Variants in IL17RE observed in about 807,000 individuals in gnomAD.
The protein encoded by IL17RE is interleukin 17 receptor E.
A neutral mutation model predicts 70.7 loss-of-function variants in IL17RE; 47 were observed. That is an observed-to-expected ratio of 0.67 (90% CI 0.53 to 0.85). The LOEUF (loss-of-function observed/expected upper bound fraction) is 0.85. Among genes scored for constraint, IL17RE ranks in the 40% least tolerant of loss-of-function variants. The pLI is 0.00. For synonymous variants in IL17RE, 372 were observed against 381.2 expected, an observed-to-expected ratio of 0.98 and a Z score of 0.28; for missense variants, 850 against 893.9, an observed-to-expected ratio of 0.95 and a Z score of 0.63.
Position 9,915,998 on chromosome 3 carries a change from A to G in IL17RE, c.*191A>G. 9.6e-7 allele frequency: 1 copy of G among 1,040,694 alleles called. No homozygotes were observed. The highest frequency in any genetic ancestry group is 1.3e-6 in the Non-Finnish European group (1 of 785,678). 64.5% of individuals were successfully genotyped at this position (1,040,694 alleles called of 1,614,324 possible). A position where few individuals can be genotyped will look rare whatever the true frequency, so the allele number is the denominator to read the frequency against. On this transcript the variant is annotated 3_prime_UTR_variant, in exon 16 of 16. Coordinates refer to ENST00000383814, the MANE Select transcript of IL17RE (RefSeq NM_153480.2). This position sits in a 1 kb window ranked among gnomAD's most constrained non-coding sequence, Gnocchi z 4.9. The stretch of plus-strand genomic sequence containing the variant: ...CGCGCGCGTCCCTCTTCCTCCTCAT[A>G]CTTTCCCTTGACTGAGAGCTCCTCT...
Position 9,915,225 on chromosome 3 carries a change from CT to C in IL17RE, c.1448-24del. Reference sequence around the variant, plus strand: ...CTGAGCAGTCCCTCAGCCGCCCAGCCTTCATCTGTTGCTTCCCGCCACCAGG... The same window carrying C: ...CTGAGCAGTCCCTCAGCCGCCCAGCCTCATCTGTTGCTTCCCGCCACCAGG... On this transcript the variant is annotated intron_variant, in intron 15 of 15. Coordinates refer to ENST00000383814, the MANE Select transcript of IL17RE (RefSeq NM_153480.2). This position sits in a 1 kb window ranked among gnomAD's most constrained non-coding sequence, Gnocchi z 4.9. The C allele has an allele frequency of 7.3e-7, 1 of 1,375,142 alleles. No individual in the cohort carries two copies. Among genetic ancestry groups the C allele is most frequent in the Admixed American group, 3.3e-5 (1 of 30,176 alleles). 85.2% of individuals were successfully genotyped at this position (1,375,142 alleles called of 1,614,324 possible).
chr3:9,902,756 G>C, upstream of IL17RE: 1 of 1,535,034 alleles, frequency 6.5e-7, no homozygotes. Flanking sequence ...GGAGGGGAAG[G>C]AATGTGGCCT....
At chr3:9,903,918 C>A (rs1236840510) in intron 2 of IL17RE, 114 bp from the exon 3 acceptor site, 5 of 1,310,938 alleles carry the variant, frequency 3.8e-6, no homozygotes, top group Non-Finnish European at 5.4e-6. Flanking sequence ...GGTCCTGTAA[C>A]CCCCAAAGTC....
chr3:9,906,945 T>TA lies in IL17RE; in HGVS notation c.527-16_527-15insA. The TA allele has an allele frequency of 6.2e-7, 1 of 1,614,044 alleles. No individual in the cohort carries two copies. The highest frequency in any genetic ancestry group is 8.5e-7 in the Non-Finnish European group (1 of 1,179,992). On this transcript the variant is annotated splice_polypyrimidine_tract_variant and intron_variant, in intron 5 of 15. Coordinates refer to ENST00000383814, the MANE Select transcript of IL17RE (RefSeq NM_153480.2). ...AAGGCCAAGAGACAAGGCCACTGAGTCCTTCCTCTCCCCAGGACCCGAGTT... is the reference window on the plus strand; with the variant it reads ...AAGGCCAAGAGACAAGGCCACTGAGTACCTTCCTCTCCCCAGGACCCGAGTT...
rs201089226 is a variant in IL17RE at position 9,903,042 on chromosome 3, G to A, written c.110G>A (p.Arg37His). 314 of 1,614,086 alleles carry A rather than the reference G, an allele frequency of 1.9e-4. 3 individuals carry two copies. In the East Asian group the frequency reaches 6.4e-3, roughly 33 times the overall value. Residue 37 changes from arginine (R) to histidine (H), a missense_variant, in exon 1 of 16, where the codon CGC (arginine) becomes CAC (histidine). Physicochemically the swap from Arg to His is conservative, Grantham distance 29. Transcript: ENST00000383814. The stretch of plus-strand genomic sequence containing the variant: ...CGCCACCTGCCCCACTGGAACACCC[G>A]CTGTCCTCTGGCCTCCCACACGGTA... Reference protein sequence around the residue: ...GFRHLPHWNTRCPLASHTDDS... With the variant: ...GFRHLPHWNTHCPLASHTDDS...
rs1029762805 is a variant in IL17RE at position 9,914,038 on chromosome 3, C to T, written c.1296+14C>T. Reference sequence around the variant, plus strand: ...TGCTGTGTCCTGGTAAGGAAACCTACCCTCACTCTACATACAGAGCCTTGG... The same window carrying T: ...TGCTGTGTCCTGGTAAGGAAACCTATCCTCACTCTACATACAGAGCCTTGG... On this transcript the variant is annotated intron_variant, in intron 13 of 15. Coordinates refer to ENST00000383814, the MANE Select transcript of IL17RE (RefSeq NM_153480.2). The T allele has an allele frequency of 3.8e-6, 6 of 1,599,978 alleles. No homozygotes were observed. Among genetic ancestry groups the T allele is most frequent in the Non-Finnish European group, 4.3e-6 (5 of 1,167,144 alleles).
Position 9,906,325 on chromosome 3 carries a change from T to C in IL17RE, c.269-39T>C, listed in dbSNP as rs113697844. On this transcript the variant is annotated intron_variant, in intron 3 of 15. Coordinates refer to ENST00000383814, the MANE Select transcript of IL17RE (RefSeq NM_153480.2). ...CCACATCTCCAGGCAGGGGAGGGGGTAATGAGGGCTAGATAGTAAGTACGT... is the reference window on the plus strand; with the variant it reads ...CCACATCTCCAGGCAGGGGAGGGGGCAATGAGGGCTAGATAGTAAGTACGT... The C allele has an allele frequency of 1.6e-4, 189 of 1,185,984 alleles. No individual in the cohort carries two copies. The African/African-American group carries it at 2.5e-3, about 16-fold the overall frequency. The allele number at this position is 1,185,984 out of a possible 1,614,324, so 73.5% of individuals were successfully genotyped here.
Position 9,915,625 on chromosome 3 carries a change from C to A in IL17RE, c.1822C>A (p.Arg608Ser). The change falls in exon 16 of 16, where the codon CGC becomes AGC. Residue 608 changes from arginine (R) to serine (S), a missense_variant. Transcript: ENST00000383814. The surrounding 1 kb of genome is among the most constrained non-coding windows in gnomAD (Gnocchi z 4.9). ...CAAGGGCGACATCCCCCCGCCGCTG[C>A]GCGCCCTGCCGCGCTACCGCCTGCT... is the stretch of plus-strand genomic sequence containing the variant. ...CAKGDIPPPL[R>S]ALPRYRLLRD... 2 of 1,413,164 alleles carry A rather than the reference C, an allele frequency of 1.4e-6. No individual in the cohort carries two copies. The highest frequency in any genetic ancestry group is 1.5e-5 in the South Asian group (1 of 68,020). The allele number at this position is 1,413,164 out of a possible 1,614,324, so 87.5% of individuals were successfully genotyped here. A position where few individuals can be genotyped will look rare whatever the true frequency, so the allele number is the denominator to read the frequency against.
At chr3:9,907,937 C>T (rs1415851717) in intron 6 of IL17RE, among the ~76,000 whole-genome samples, 1 of 152,164 alleles carries the variant, frequency 6.6e-6, no homozygotes, top group Non-Finnish European at 1.5e-5. Flanking sequence ...CACTGTGATG[C>T]TAGCATGGAG....
In IL17RE at chr3:9,914,018, T is replaced by C; in HGVS notation, c.1290T>C (p.Cys430=). 2 of 1,613,358 alleles carry C rather than the reference T, an allele frequency of 1.2e-6. No homozygotes were observed. Among genetic ancestry groups the C allele is most frequent in the Non-Finnish European group, 1.7e-6 (2 of 1,179,264 alleles). Residue 430 remains cysteine, a synonymous_variant, in exon 13 of 16, where the codon TGT becomes TGC. Coordinates refer to ENST00000383814, the MANE Select transcript of IL17RE (RefSeq NM_153480.2). The part of the protein sequence containing the change: ...LIIPFLRPGC[C]VLVWRSDVQF... ...TTCCCTTCCTGAGGCCAGGGTGCTG[T>C]GTCCTGGTAAGGAAACCTACCCTCA...
At chr3:9,913,685 G>A (rs78983986) in intron 12 of IL17RE, among the ~76,000 whole-genome samples, 2 of 152,222 alleles carry the variant, frequency 1.3e-5, no homozygotes, top group East Asian at 1.9e-4. Flanking sequence ...GACAATGTCC[G>A]CACCCGCCTT....
Position 9,911,112 on chromosome 3 carries a change from C to T in IL17RE, c.979-15C>T. The T allele has an allele frequency of 1.2e-6, 2 of 1,614,018 alleles. No individual in the cohort carries two copies. Among genetic ancestry groups the T allele is most frequent in the Non-Finnish European group, 1.7e-6 (2 of 1,179,864 alleles). ...AGGAATTTTCTCCCTGATGAACTCT[C>T]CTCTCCTCCCACAGTGGTATGTTTT... On this transcript the variant is annotated splice_polypyrimidine_tract_variant and intron_variant, in intron 9 of 15. Coordinates refer to ENST00000383814, the MANE Select transcript of IL17RE (RefSeq NM_153480.2).
intron 3 of IL17RE, among the ~76,000 whole-genome samples, chr3:9,904,877 T>C (rs2082716262): frequency 6.6e-6 from 1 of 152,166 alleles, no homozygotes; most frequent in Admixed American, 6.5e-5. Context: ...GTGGATCGCT[T>C]GAGTCCTGGA....
upstream of IL17RE, chr3:9,902,510 C>T (rs1559264628): frequency 1.0e-6 from 1 of 974,822 alleles, no homozygotes; most frequent in African/African-American, 1.6e-5. Context: ...GGCTAATTCT[C>T]TAAGTGAGGG....
Position 9,906,384 on chromosome 3 carries a change from C to T in IL17RE, c.289C>T (p.His97Tyr). The T allele has an allele frequency of 6.2e-7, 1 of 1,613,802 alleles. No homozygotes were observed. The highest frequency in any genetic ancestry group is 2.2e-5 in the East Asian group (1 of 44,892). Residue 97 changes from histidine (H) to tyrosine (Y), a missense_variant, in exon 4 of 16, where the codon CAC (histidine) becomes TAC (tyrosine). Physicochemically the swap from His to Tyr is moderately conservative, Grantham distance 83. Transcript: ENST00000383814. Reference sequence around the variant, plus strand: ...CACAGGTCTTCAACGGGGCCTCTTCCACCTCCTGGTGCAGAAATCCAAAAA... The same window carrying T: ...CACAGGTCTTCAACGGGGCCTCTTCTACCTCCTGGTGCAGAAATCCAAAAA... ...GGSGLQRGLF[H>Y]LLVQKSKKSS...
intron 6 of IL17RE, among the ~76,000 whole-genome samples, chr3:9,907,669 CT>C (rs1390170496): frequency 6.6e-6 from 1 of 152,162 alleles, no homozygotes; most frequent in Non-Finnish European, 1.5e-5. Context: ...TTCAGCTCCC[CT>C]AAGAGGTTGT....
At position 9,902,971 on chromosome 3, in the gene IL17RE, C is replaced by A. The variant is rs757001837; in HGVS notation, c.39C>A (p.Leu13=). The change falls in exon 1 of 16, where the codon CTC becomes CTA. Residue 13 remains leucine, a synonymous_variant. Coordinates refer to ENST00000383814, the MANE Select transcript of IL17RE (RefSeq NM_153480.2). ...SSRLAALLLP[L]LLIVIDLSDS... ...GACTGGCAGCCCTGCTCCTGCCTCT[C>A]CTCCTCATAGTCATCGACCTCTCTG... 2 of 1,614,214 alleles carry A rather than the reference C, an allele frequency of 1.2e-6. No homozygotes were observed. Among genetic ancestry groups the A allele is most frequent in the Admixed American group, 3.3e-5 (2 of 60,028 alleles).
At chr3:9,914,072 C>T (rs1334144237) in intron 13 of IL17RE, 48 bp downstream of exon 13, 1 of 1,412,134 alleles carries the variant, frequency 7.1e-7, no homozygotes, top group South Asian at 1.2e-5. Context: ...GGCATCTGCT[C>T]CCCTAGTGGC....
chr3:9,914,541 C>T lies in IL17RE; in HGVS notation c.1297-7C>T. On this transcript the variant is annotated splice_polypyrimidine_tract_variant and splice_region_variant and intron_variant, in intron 13 of 15. Transcript: ENST00000383814. ...GCTCATAGGGGTGGGGGGCTCTGTGCCCTCAGGTGTGGCGGTCAGATGTCC... is the reference window on the plus strand; with the variant it reads ...GCTCATAGGGGTGGGGGGCTCTGTGTCCTCAGGTGTGGCGGTCAGATGTCC... 6.2e-7 allele frequency: 1 copy of T among 1,613,824 alleles called. No homozygotes were observed.
Sources: gnomAD v4.1 joint callset for allele counts (sites outside exome capture counted in the v4.1 genomes callset) on GRCh38, gnomAD v4.1.1 for gene constraint, Gnocchi (gnomAD v3.1) non-coding constraint, MANE v1.5 for transcripts, NCBI Gene and HGNC (gene_info 2026-07-23, HGNC 2026-07-21) for gene names.